The following ELP3 variants were observed in gnomAD, a reference collection of about 807,000 sequenced individuals.
The protein encoded by ELP3 is elongator complex protein 3.
ELP3 carries 56 observed loss-of-function variants against 74.9 expected under a neutral mutation model. That is an observed-to-expected ratio of 0.75 (90% confidence interval 0.60 to 0.93). The LOEUF is 0.93. ELP3 is among the 40% of genes least tolerant of loss of function. The pLI is 0.00. For synonymous variants in ELP3, 222 were observed against 239.8 expected (o/e 0.93, Z 0.68); for missense variants, 573 against 686.5 (o/e 0.83, Z 1.85).
chr8:28,127,079 A>G (rs1329356616), intron 7 of ELP3, among the ~76,000 whole-genome samples: 1 of 152,168 alleles, frequency 6.6e-6, no homozygotes, highest in East Asian at 1.9e-4. Context: ...AGGTAATGAC[A>G]TTTCCCGCCT....
chr8:28,129,717 C>G, intron 8 of ELP3, 54 bp downstream of exon 8: 1 of 1,602,652 alleles, frequency 6.2e-7, no homozygotes, highest in South Asian at 1.1e-5. Flanking sequence ...TCACCATTTT[C>G]TCTACATTCA....
intron 10 of ELP3, among the ~76,000 whole-genome samples, chr8:28,149,716 T>C (rs573752179): frequency 1.2e-4 from 18 of 152,326 alleles, no homozygotes; most frequent in African/African-American, 3.4e-4. Flanking sequence ...CTGCTTACTT[T>C]GGATTTAATT....
chr8:28,114,739 G>A (rs934297637), intron 7 of ELP3, among the ~76,000 whole-genome samples: 2 of 152,168 alleles, frequency 1.3e-5, no homozygotes, highest in Non-Finnish European at 2.9e-5. Flanking sequence ...GAGAAAGAAC[G>A]TCATGAGACG....
chr8:28,145,920 G>A (rs531400217), intron 10 of ELP3, among the ~76,000 whole-genome samples: 50 of 152,170 alleles, frequency 3.3e-4, no homozygotes, highest in African/African-American at 1.1e-3. Context: ...CACCATGCCC[G>A]GCCAAGAAGA....
At chr8:28,098,281 G>A (rs1811337139) in intron 2 of ELP3, among the ~76,000 whole-genome samples, 1 of 151,726 alleles carries the variant, frequency 6.6e-6, no homozygotes, top group African/African-American at 2.4e-5. Flanking sequence ...CCAACCCCAG[G>A]TCGTCTAATC....
intron 3 of ELP3, among the ~76,000 whole-genome samples, chr8:28,104,214 G>A (rs1455248821): frequency 6.6e-6 from 1 of 152,146 alleles, no homozygotes; most frequent in Non-Finnish European, 1.5e-5. Flanking sequence ...TTCTTACTAG[G>A]TTTTAAGAGT....
chr8:28,123,651 T>C (rs1262862286), intron 7 of ELP3, among the ~76,000 whole-genome samples: 1 of 152,240 alleles, frequency 6.6e-6, no homozygotes, highest in Admixed American at 6.5e-5. Context: ...TCTCTCTTCA[T>C]TTATATTGAT....
rs948201597 is a variant in ELP3, at chr8:28,190,600, C to T, written c.*875C>T. 6.0e-5 allele frequency: 9 copies of T among 150,656 alleles called. No individual in the cohort carries two copies. The highest frequency in any genetic ancestry group is 1.9e-4 in the East Asian group (1 of 5,164). The allele number at this position is 150,656 out of a possible 1,614,324, so 9.3% of individuals were successfully genotyped here. A position where few individuals can be genotyped will look rare whatever the true frequency, so the allele number is the denominator to read the frequency against. Reference sequence around the variant, plus strand: ...TTTTTTTTTTTTTCTGAGAAAGTCTCGCTGTGTCACCCAGGCTGGAGTGCA... The same window carrying T: ...TTTTTTTTTTTTTCTGAGAAAGTCTTGCTGTGTCACCCAGGCTGGAGTGCA... On this transcript the variant is annotated 3_prime_UTR_variant, in exon 15 of 15. Coordinates refer to ENST00000256398, the MANE Select transcript of ELP3 (RefSeq NM_018091.6).
intron 10 of ELP3, among the ~76,000 whole-genome samples, chr8:28,143,396 T>C (rs1813319212): frequency 6.6e-6 from 1 of 152,248 alleles, no homozygotes; most frequent in African/African-American, 2.4e-5. Context: ...ATGTTTTCTC[T>C]GTAAAACTAC....
upstream of ELP3, chr8:28,090,408 G>C (rs1236342928): frequency 1.2e-5 from 4 of 335,308 alleles, no homozygotes; most frequent in Non-Finnish European, 2.3e-5. Flanking sequence ...AGTCTGGTGA[G>C]TGTAGTGTCC....
At chr8:28,144,654 GT>G (rs1456953614) in intron 10 of ELP3, among the ~76,000 whole-genome samples, 1 of 152,096 alleles carries the variant, frequency 6.6e-6, no homozygotes, top group Non-Finnish European at 1.5e-5. Flanking sequence ...ATTTCAAAGT[GT>G]TTCAAAATTT....
chr8:28,160,297 A>G lies in ELP3; in HGVS notation c.1326A>G (p.Pro442=). 1.9e-6 allele frequency: 3 copies of G among 1,614,212 alleles called. No homozygotes were observed. Among genetic ancestry groups the G allele is most frequent in the African/African-American group, 2.7e-5 (2 of 75,064 alleles). ...GWETFLSYED[P]DQDILIGLLR... The stretch of plus-strand genomic sequence containing the variant: ...AAACATTCTTGTCATACGAAGACCC[A>G]GATCAAGACATTTTGATTGGCCTCC... Residue 442 remains proline, a synonymous_variant, in exon 13 of 15, where the codon CCA becomes CCG. Transcript: ENST00000256398.
chr8:28,158,581 G>C lies in ELP3; in HGVS notation c.1205G>C (p.Arg402Thr). 1 of 1,610,486 alleles carries C rather than the reference G, an allele frequency of 6.2e-7. No homozygotes were observed. Among genetic ancestry groups the C allele is most frequent in the Non-Finnish European group, 8.5e-7 (1 of 1,178,444 alleles). ...TTTTTTTGACAGTGTCGAGATGTGA[G>C]AACCAGAGAAGTTGGAATCCAAGAA... ...KDLGIQCRDV[R>T]TREVGIQEIH... is the part of the protein sequence containing the mutation. The change falls in exon 12 of 15, where the codon AGA becomes ACA. Residue 402 changes from arginine (R) to threonine (T), a missense_variant. By Grantham distance (71) the Arg-to-Thr change is moderately conservative. Transcript: ENST00000256398.
At chr8:28,168,085 C>T (rs2130571627) in intron 14 of ELP3, among the ~76,000 whole-genome samples, 1 of 152,336 alleles carries the variant, frequency 6.6e-6, no homozygotes, top group East Asian at 1.9e-4. Flanking sequence ...CATGACTTGA[C>T]ATTTACTCAT....
At chr8:28,126,032 G>C (rs1812563794) in intron 7 of ELP3, among the ~76,000 whole-genome samples, 1 of 151,938 alleles carries the variant, frequency 6.6e-6, no homozygotes, top group Non-Finnish European at 1.5e-5. Flanking sequence ...AATCAACGGA[G>C]AATTTTTAGT....
At chr8:28,113,937 A>G (rs938140757) in intron 7 of ELP3, 2 of 152,178 alleles carry the variant, frequency 1.3e-5, no homozygotes, top group South Asian at 2.1e-4. Flanking sequence ...TCAAACCACA[A>G]GTTAATTTAG....
intron 9 of ELP3, among the ~76,000 whole-genome samples, chr8:28,136,605 C>T (rs1040168357): frequency 2.6e-5 from 4 of 152,154 alleles, no homozygotes; most frequent in Non-Finnish European, 5.9e-5. Context: ...ATAAAGAATA[C>T]AGCATTTAAG....
At chr8:28,116,098 G>A (rs574580668) in intron 7 of ELP3, among the ~76,000 whole-genome samples, 28 of 152,246 alleles carry the variant, frequency 1.8e-4, no homozygotes, top group African/African-American at 5.8e-4. Flanking sequence ...TAATGACCTG[G>A]GTAGGGTTGC....
chr8:28,171,265 C>T (rs1814513300), intron 14 of ELP3, among the ~76,000 whole-genome samples: 2 of 152,214 alleles, frequency 1.3e-5, no homozygotes, highest in African/African-American at 2.4e-5. Context: ...AAACTATTTT[C>T]CACAGTAACT....
Sources: allele counts gnomAD v4.1 joint callset (sites outside exome capture counted in the v4.1 genomes callset), GRCh38; gene constraint gnomAD v4.1.1; transcripts MANE v1.5; gene names NCBI Gene and HGNC (gene_info 2026-07-23, HGNC 2026-07-21).